The following CARD14 variants were observed in gnomAD, a reference collection of about 807,000 sequenced individuals.
The protein encoded by CARD14 is caspase recruitment domain-containing protein 14.
In CARD14, 107 loss-of-function variants were observed where a neutral mutation model predicts 111.5. The ratio of observed to expected loss-of-function variants is 0.96; its 90% confidence interval spans 0.82 to 1.13. The LOEUF (loss-of-function observed/expected upper bound fraction) is 1.13. CARD14 is among the 50% of genes most tolerant of loss of function. The pLI is 0.00. For synonymous variants in CARD14, 617 were observed against 579.6 expected (o/e 1.06, Z -0.93); for missense variants, 1,322 against 1,362.3 (o/e 0.97, Z 0.47).
chr17:80,170,122 G>T (rs1221805607), intron 1 of CARD14, 66 bp downstream of exon 1: 1 of 133,202 alleles, frequency 7.5e-6, no homozygotes, highest in Admixed American at 7.3e-5. Context: ...CTACGGAGGG[G>T]CTCAGCCGAC....
At chr17:80,194,608 A>G (rs2040643992) in intron 12 of CARD14, among the ~76,000 whole-genome samples, 1 of 152,194 alleles carries the variant, frequency 6.6e-6, no homozygotes, top group Non-Finnish European at 1.5e-5. Flanking sequence ...ATTGACTCAC[A>G]GTTCACAGTT....
rs2040216582 is a variant in CARD14, at chr17:80,182,831, G to A, written c.349+41G>A. The A allele has an allele frequency of 1.2e-6, 2 of 1,611,492 alleles. No individual in the cohort carries two copies. The highest frequency in any genetic ancestry group is 4.5e-5 in the East Asian group (2 of 44,800). ...TTGACGGTTTGGCAGGCACTTCTAG[G>A]AACCTCAGGCTCCTGGTAACCCCAG... On this transcript the variant is annotated intron_variant, in intron 6 of 23. Coordinates refer to ENST00000648509, the MANE Select transcript of CARD14 (RefSeq NM_001366385.1). This position sits in a 1 kb window ranked among gnomAD's most constrained non-coding sequence, Gnocchi z 4.7.
At chr17:80,194,277 G>A (rs1007805189) in intron 12 of CARD14, among the ~76,000 whole-genome samples, 2 of 152,122 alleles carry the variant, frequency 1.3e-5, no homozygotes, top group Admixed American at 1.3e-4. Context: ...CTGGTCCACG[G>A]GTGCCCGTTG....
At chr17:80,205,318 C>T (rs946569176) in intron 21 of CARD14, 113 bp downstream of exon 21, 12 of 1,174,060 alleles carry the variant, frequency 1.0e-5, no homozygotes, top group African/African-American at 7.5e-5. Context: ...CCACCACGCA[C>T]ATTCCCACAC....
intron 2 of CARD14, among the ~76,000 whole-genome samples, chr17:80,175,104 T>C (rs115137184): frequency 0.065 from 9,901 of 152,010 alleles, 517 homozygotes; most frequent in African/African-American, 0.14. Context: ...GCCTCCCAAG[T>C]AGCTTGGGGA....
intron 9 of CARD14, 63 bp from the exon 10 acceptor site, chr17:80,190,711 C>A: frequency 6.3e-7 from 1 of 1,593,602 alleles, no homozygotes; most frequent in Non-Finnish European, 8.6e-7. Flanking sequence ...TCCCCGACCC[C>A]CTTCTAAGGC....
chr17:80,195,585 C>A lies in CARD14; in HGVS notation c.1527C>A (p.Asp509Glu), dbSNP rs781689813. 1.2e-5 allele frequency: 19 copies of A among 1,612,644 alleles called. No individual in the cohort carries two copies. Among genetic ancestry groups the A allele is most frequent in the Non-Finnish European group, 1.6e-5 (19 of 1,179,834 alleles). The change falls in exon 14 of 24, where the codon GAC becomes GAA. Residue 509 changes from aspartate to glutamate, a missense_variant. Transcript: ENST00000648509. This position sits in a 1 kb window ranked among gnomAD's most constrained non-coding sequence, Gnocchi z 4.7. ...FSSCLEIPEG[D>E]PGALPGAKAG... ...GCTGCCTGGAGATCCCGGAGGGAGA[C>A]CCGGGAGCCCTGCCGGGAGCTAAGG...
chr17:80,198,636 G>A lies in CARD14; in HGVS notation c.1851+45G>A, dbSNP rs770783016. 1 of 1,609,884 alleles carries A rather than the reference G, an allele frequency of 6.2e-7. No homozygotes were observed. The highest frequency in any genetic ancestry group is 1.1e-5 in the South Asian group (1 of 90,982). ...TCCTGTCCCCCGGGCTCCTCATGGG[G>A]ACAGTGGCAGCGGGTGGGGTGACCC... is the stretch of plus-strand genomic sequence containing the variant. On this transcript the variant is annotated intron_variant, in intron 16 of 23. Transcript: ENST00000648509. This position sits in a 1 kb window ranked among gnomAD's most constrained non-coding sequence, Gnocchi z 7.5.
chr17:80,181,750 C>T, intron 5 of CARD14, 101 bp downstream of exon 5: 7 of 1,079,426 alleles, frequency 6.5e-6, no homozygotes, highest in Non-Finnish European at 9.1e-6. Flanking sequence ...CGTCCTGTCT[C>T]TTATAAAAAC....
At position 80,198,723 on chromosome 17, in the gene CARD14, C is replaced by A; in HGVS notation, c.1851+132C>A. On this transcript the variant is annotated intron_variant, in intron 16 of 23. Transcript: ENST00000648509. The surrounding 1 kb of genome is among the most constrained non-coding windows in gnomAD (Gnocchi z 7.5). ...CTCTGGGCTGGGCCTCTGCTCTTTC[C>A]TGGGCTGACGTAAAGCGTTCTGCTC... 1 of 1,571,326 alleles carries A rather than the reference C, an allele frequency of 6.4e-7. No individual in the cohort carries two copies. Among genetic ancestry groups the A allele is most frequent in the Middle Eastern group, 1.7e-4 (1 of 5,912 alleles).
chr17:80,205,891 G>GT (rs2041273111), intron 22 of CARD14: 1 of 436,148 alleles, frequency 2.3e-6, no homozygotes, highest in African/African-American at 2.0e-5. Flanking sequence ...CTTGGGGGAT[G>GT]TTTAATAGAT....
chr17:80,202,327 T>C lies in CARD14; in HGVS notation c.2126T>C (p.Met709Thr), dbSNP rs1488565847. The part of the protein sequence containing the change: ...CNEVLHVTDT[M>T]FQGCGCWHAH... ...GAGGTCCTGCACGTCACCGACACCA[T>C]GTTCCAGGGCTGCGGCTGCTGGCAT... The change falls in exon 18 of 24, where the codon ATG becomes ACG. Residue 709 changes from methionine to threonine, a missense_variant. Coordinates refer to ENST00000648509, the MANE Select transcript of CARD14 (RefSeq NM_001366385.1). 9 of 1,613,602 alleles carry C rather than the reference T, an allele frequency of 5.6e-6. No homozygotes were observed. Among genetic ancestry groups the C allele is most frequent in the South Asian group, 3.3e-5 (3 of 91,084 alleles).
At chr17:80,205,690 G>T in intron 22 of CARD14, 38 bp downstream of exon 22, 1 of 1,513,416 alleles carries the variant, frequency 6.6e-7, no homozygotes, top group South Asian at 1.3e-5. Context: ...GAGCTGTCCT[G>T]GGAAGGGTTT....
intron 9 of CARD14, among the ~76,000 whole-genome samples, 162 bp from the exon 10 acceptor site, chr17:80,190,612 C>CAA (rs368094768): frequency 6.7e-5 from 9 of 134,494 alleles, no homozygotes; most frequent in African/African-American, 1.7e-4. Context: ...GTCTCTGTCT[C>CAA]AAAAAAAAAA....
chr17:80,188,482 G>C lies in CARD14; in HGVS notation c.781G>C (p.Asp261His). ...LRTASDQESG[D>H]EELNRLKEEN... Reference sequence around the variant, plus strand: ...GACAGCCAGCGACCAGGAGTCCGGGGATGAGGAGCTGAACCGCCTGAAGGA... The same window carrying C: ...GACAGCCAGCGACCAGGAGTCCGGGCATGAGGAGCTGAACCGCCTGAAGGA... The change falls in exon 8 of 24, where the codon GAT becomes CAT. Residue 261 changes from aspartate to histidine, a missense_variant. Asp to His is a moderately conservative substitution (Grantham distance 81). Transcript: ENST00000648509. This position sits in a 1 kb window ranked among gnomAD's most constrained non-coding sequence, Gnocchi z 4.5. 2 of 1,590,242 alleles carry C rather than the reference G, an allele frequency of 1.3e-6. No individual in the cohort carries two copies. Among genetic ancestry groups the C allele is most frequent in the East Asian group, 2.3e-5 (1 of 43,376 alleles).
chr17:80,182,789 C>A lies in CARD14; in HGVS notation c.348C>A (p.Ser116Arg). ...CTGATGTTGACTTCAGTAACTTTAG[C>A]GGTGAGAGCTCCGACTTTGACGGTT... ...LQPDVDFSNF[S>R]GLMETSKLTE... Residue 116 changes from serine to arginine, a missense_variant and splice_region_variant, in exon 6 of 24, where the codon AGC becomes AGA. Ser to Arg is a moderately radical substitution (Grantham distance 110, BLOSUM62 -1). Transcript: ENST00000648509. The surrounding 1 kb of genome is among the most constrained non-coding windows in gnomAD (Gnocchi z 4.7). 6.2e-7 allele frequency: 1 copy of A among 1,614,112 alleles called. No individual in the cohort carries two copies. Among genetic ancestry groups the A allele is most frequent in the Non-Finnish European group, 8.5e-7 (1 of 1,179,970 alleles).
intron 14 of CARD14, chr17:80,196,776 A>G (rs2040728368): frequency 6.6e-6 from 1 of 152,378 alleles, no homozygotes. Flanking sequence ...TGCCACCACC[A>G]GCTGGGAAGC....
chr17:80,204,413 T>C, intron 20 of CARD14, 72 bp downstream of exon 20: 1 of 1,425,496 alleles, frequency 7.0e-7, no homozygotes, highest in Non-Finnish European at 9.4e-7. Flanking sequence ...CTGCTGCTAG[T>C]TGGTCAGCTG....
chr17:80,195,052 C>T lies in CARD14; in HGVS notation c.1357-139C>T. On this transcript the variant is annotated intron_variant, in intron 12 of 23. Transcript: ENST00000648509. This position sits in a 1 kb window ranked among gnomAD's most constrained non-coding sequence, Gnocchi z 4.7. ...AGCAGGTGCTCAGCGCATGTGACCC[C>T]ATGTGTGTCCTTCTTTCCCCTCCTG... 2 of 1,085,036 alleles carry T rather than the reference C, an allele frequency of 1.8e-6. No homozygotes were observed. The highest frequency in any genetic ancestry group is 3.2e-5 in the South Asian group (2 of 61,888). The allele number at this position is 1,085,036 out of a possible 1,614,324, so 67.2% of individuals were successfully genotyped here. A position where few individuals can be genotyped will look rare whatever the true frequency, so the allele number is the denominator to read the frequency against.
Sources: gnomAD v4.1 joint callset for allele counts (sites outside exome capture counted in the v4.1 genomes callset) on GRCh38, gnomAD v4.1.1 for gene constraint, Gnocchi (gnomAD v3.1) non-coding constraint, MANE v1.5 for transcripts, NCBI Gene and HGNC (gene_info 2026-07-23, HGNC 2026-07-21) for gene names.